The following CAMK4 variants were observed in gnomAD, a reference collection of about 807,000 sequenced individuals.
CAMK4 encodes the protein calcium/calmodulin dependent protein kinase IV.
A neutral mutation model predicts 44.9 loss-of-function variants in CAMK4; 22 were observed. The observed-to-expected ratio is 0.49, with a 90% confidence interval of 0.35 to 0.70. CAMK4 has a LOEUF of 0.70. CAMK4 is among the 30% of genes least tolerant of loss of function. The pLI is 0.01. For missense variants in CAMK4, 498 were observed against 586.8 expected (o/e 0.85, Z 1.56); for synonymous variants, 218 against 215.4 (o/e 1.01, Z -0.11).
At chr5:111,249,942 G>T (rs1749417114) in intron 1 of CAMK4, among the ~76,000 whole-genome samples, 1 of 151,892 alleles carries the variant, frequency 6.6e-6, no homozygotes, top group Non-Finnish European at 1.5e-5. Context: ...TATTTTTACT[G>T]CCCTCAATTC....
In CAMK4 at chr5:111,441,912, C is replaced by G. The variant is rs577422479; in HGVS notation, c.460-4774C>G. The stretch of plus-strand genomic sequence containing the variant: ...GCACATTTTCCCATGACCACACAAT[C>G]TTTAGCAGCATGTTTTATTCTTTAT... On this transcript the variant is annotated intron_variant, in intron 5 of 10. Coordinates refer to ENST00000282356, the MANE Select transcript of CAMK4 (RefSeq NM_001744.6). Among the ~76,000 whole-genome samples, 19 of 152,292 alleles carry G rather than the reference C, an allele frequency of 1.2e-4. No homozygotes were observed. The South Asian group carries it at 2.5e-3, about 20-fold the overall frequency.
At chr5:111,252,452 A>G (rs957781346) in intron 1 of CAMK4, among the ~76,000 whole-genome samples, 1 of 152,208 alleles carries the variant, frequency 6.6e-6, no homozygotes. Context: ...ATTTTCTTAC[A>G]TATTTTCTAT....
At chr5:111,273,379 C>G (rs762488099) in intron 1 of CAMK4, among the ~76,000 whole-genome samples, 17 of 151,778 alleles carry the variant, frequency 1.1e-4, no homozygotes, top group Non-Finnish European at 2.1e-4. Flanking sequence ...GGTAATTATA[C>G]TCATGAACAA....
chr5:111,368,819 A>G (rs1750893834), intron 2 of CAMK4, among the ~76,000 whole-genome samples: 1 of 151,714 alleles, frequency 6.6e-6, no homozygotes. Flanking sequence ...TATTTGCTTC[A>G]CCCTTCTCAG....
chr5:111,239,742 T>C (rs901377530), intron 1 of CAMK4, among the ~76,000 whole-genome samples: 3 of 152,238 alleles, frequency 2.0e-5, no homozygotes, highest in Non-Finnish European at 2.9e-5. Flanking sequence ...ATATTATCGA[T>C]ATTAATTCTG....
At chr5:111,296,793 G>T (rs1747502122) in intron 1 of CAMK4, among the ~76,000 whole-genome samples, 1 of 152,204 alleles carries the variant, frequency 6.6e-6, no homozygotes, top group African/African-American at 2.4e-5. Context: ...TGAGCCAAAT[G>T]CCTGCAGAGC....
chr5:111,361,733 C>T (rs1750599486), intron 2 of CAMK4, among the ~76,000 whole-genome samples: 1 of 151,936 alleles, frequency 6.6e-6, no homozygotes, highest in South Asian at 2.1e-4. Context: ...AGCTCTTAGT[C>T]TTCAGAAAAG....
chr5:111,398,895 C>A (rs554186024), intron 5 of CAMK4, among the ~76,000 whole-genome samples: 2 of 152,254 alleles, frequency 1.3e-5, no homozygotes, highest in South Asian at 4.2e-4. Context: ...CAAATTATAA[C>A]CCAAATTTGA....
At chr5:111,431,975 C>T (rs1753460456) in intron 5 of CAMK4, among the ~76,000 whole-genome samples, 1 of 152,046 alleles carries the variant, frequency 6.6e-6, no homozygotes, top group South Asian at 2.1e-4. Flanking sequence ...AATTGAGCTA[C>T]CATACGATCC....
At chr5:111,351,676 T>TGC (rs3066683) in intron 2 of CAMK4, among the ~76,000 whole-genome samples, 17,220 of 151,794 alleles carry the variant, frequency 0.11, 1,650 homozygotes, top group African/African-American at 0.25. Flanking sequence ...CCTCCCAAAG[T>TGC]GCTGGGATTA....
chr5:111,471,888 C>CTTATTTATTTAT (rs71626645), intron 7 of CAMK4, among the ~76,000 whole-genome samples: 1 of 150,188 alleles, frequency 6.7e-6, no homozygotes, highest in African/African-American at 2.4e-5. Flanking sequence ...CCAGAGCTCA[C>CTTATTTATTTAT]TTATTTATTT....
At chr5:111,247,701 G>A (rs1467749950) in intron 1 of CAMK4, among the ~76,000 whole-genome samples, 1 of 151,936 alleles carries the variant, frequency 6.6e-6, no homozygotes, top group Non-Finnish European at 1.5e-5. Context: ...CTTTCAACTG[G>A]TTGGATGAGG....
chr5:111,369,397 C>T (rs749048871), intron 2 of CAMK4, among the ~76,000 whole-genome samples: 15 of 151,724 alleles, frequency 9.9e-5, no homozygotes, highest in East Asian at 3.9e-4. Flanking sequence ...AAAATAGCTA[C>T]GCATATTTGC....
At chr5:111,240,589 C>G (rs1478028563) in intron 1 of CAMK4, among the ~76,000 whole-genome samples, 1 of 152,102 alleles carries the variant, frequency 6.6e-6, no homozygotes, top group Non-Finnish European at 1.5e-5. Flanking sequence ...AATTAATAAC[C>G]TTGAAGAAAG....
rs538487276 is a variant in CAMK4 at position 111,438,847 on chromosome 5, A to C, written c.460-7839A>C. 2.0e-5 allele frequency among the ~76,000 whole-genome samples: 3 copies of C among 152,332 alleles called. No individual in the cohort carries two copies. The South Asian group carries it at 6.2e-4, about 32-fold the overall frequency. On this transcript the variant is annotated intron_variant, in intron 5 of 10. Transcript: ENST00000282356. ...ATTTTGTTTGGCCTGTGCAGGATTT[A>C]ACATTTTTCAACTTAGTTGCCAACA...
intron 5 of CAMK4, among the ~76,000 whole-genome samples, chr5:111,417,764 T>C (rs1177478951): frequency 2.0e-5 from 3 of 152,196 alleles, no homozygotes; most frequent in Non-Finnish European, 2.9e-5. Context: ...GACAAATGCT[T>C]TTAAAAGCAT....
At chr5:111,263,378 G>C (rs1319502451) in intron 1 of CAMK4, among the ~76,000 whole-genome samples, 1 of 152,236 alleles carries the variant, frequency 6.6e-6, no homozygotes, top group South Asian at 2.1e-4. Context: ...TGAGTGGCCA[G>C]TGAAGGCTGT....
chr5:111,338,633 A>G (rs1749509669), intron 1 of CAMK4, among the ~76,000 whole-genome samples: 1 of 151,274 alleles, frequency 6.6e-6, no homozygotes, highest in African/African-American at 2.4e-5. Context: ...ATTTTGAGTT[A>G]ACTTTTGTAT....
intron 5 of CAMK4, among the ~76,000 whole-genome samples, chr5:111,403,188 T>C (rs1305818183): frequency 6.6e-6 from 1 of 152,214 alleles, no homozygotes; most frequent in African/African-American, 2.4e-5. Flanking sequence ...AAATCAGGAT[T>C]AAGTATGATT....
Sources: gnomAD v4.1 joint callset for allele counts (sites outside exome capture counted in the v4.1 genomes callset) on GRCh38, gnomAD v4.1.1 for gene constraint, MANE v1.5 for transcripts, NCBI Gene and HGNC (gene_info 2026-07-23, HGNC 2026-07-21) for gene names.